Variants in NAA11 observed in about 807,000 individuals in gnomAD.
The protein encoded by NAA11 is N-alpha-acetyltransferase 11, NatA catalytic subunit.
A neutral mutation model predicts 16.1 loss-of-function variants in NAA11; 15 were observed. The observed-to-expected ratio is 0.93, with a 90% CI of 0.62 to 1.44. The LOEUF (loss-of-function observed/expected upper bound fraction) is 1.44. Among genes scored for constraint, NAA11 ranks in the 40% most tolerant of loss-of-function variants. The pLI, the probability that NAA11 is intolerant of heterozygous loss-of-function variation, is 0.00. For missense variants in NAA11, 298 were observed against 291.3 expected, an observed-to-expected ratio of 1.02 and a Z score of -0.17; for synonymous variants, 122 against 112.4, an observed-to-expected ratio of 1.09 and a Z score of -0.54.
chr4:79,212,167 A>T, the NAA11 span, among the ~76,000 whole-genome samples: 3 of 152,180 alleles, frequency 2.0e-5, no homozygotes, highest in Admixed American at 2.0e-4. Flanking sequence ...TTGCCATTTT[A>T]AACAGGTTAT....
At chr4:79,195,103 A>C in the NAA11 span, among the ~76,000 whole-genome samples, 11 of 152,132 alleles carry the variant, frequency 7.2e-5, no homozygotes, top group Admixed American at 5.2e-4. Context: ...AAAATCACAC[A>C]TTCCCATCAT....
chr4:79,261,902 A>G (rs923106475), intron 2 of NAA11, among the ~76,000 whole-genome samples: 1 of 152,238 alleles, frequency 6.6e-6, no homozygotes, highest in Non-Finnish European at 1.5e-5. Flanking sequence ...AAAATAGCTG[A>G]AAAATATTAA....
chr4:79,279,931 T>C (rs565068537), intron 2 of NAA11, among the ~76,000 whole-genome samples: 16 of 152,046 alleles, frequency 1.1e-4, no homozygotes, highest in Admixed American at 5.9e-4. Flanking sequence ...AAATAAAAGA[T>C]CTGTTCAGGG....
chr4:79,194,073 G>A, the NAA11 span, among the ~76,000 whole-genome samples: 1,169 of 152,200 alleles, frequency 7.7e-3, 17 homozygotes, highest in African/African-American at 0.027. Context: ...CATTGATTTT[G>A]TATCCTGAGA....
downstream of NAA11, among the ~76,000 whole-genome samples, chr4:79,223,074 G>A (rs1721228248): frequency 6.7e-6 from 1 of 148,602 alleles, no homozygotes; most frequent in African/African-American, 2.5e-5. Flanking sequence ...AACCATTGTG[G>A]AAGTCAGTGT....
intron 1 of NAA11, 150 bp downstream of exon 1, chr4:79,325,026 C>T: frequency 4.7e-6 from 3 of 639,890 alleles, no homozygotes; most frequent in South Asian, 2.2e-5. Flanking sequence ...TCCCTCAACT[C>T]ACTCTAACTT....
chr4:79,305,254 T>C (rs993647347), intron 1 of NAA11: 2 of 152,218 alleles, frequency 1.3e-5, no homozygotes, highest in African/African-American at 4.8e-5. Flanking sequence ...AAAGTGGTGA[T>C]TAATAACTAA....
the NAA11 span, among the ~76,000 whole-genome samples, chr4:79,219,520 G>A: frequency 2.5e-3 from 377 of 152,026 alleles, no homozygotes; most frequent in Non-Finnish European, 4.2e-3. Context: ...TTCTAGAATC[G>A]AAGGACTAAA....
chr4:79,157,468 T>C, the NAA11 span, among the ~76,000 whole-genome samples: 1 of 151,952 alleles, frequency 6.6e-6, no homozygotes. Flanking sequence ...TTCCATCATA[T>C]ACATATGATG....
chr4:79,172,908 C>T, the NAA11 span, among the ~76,000 whole-genome samples: 1 of 152,092 alleles, frequency 6.6e-6, no homozygotes, highest in African/African-American at 2.4e-5. Context: ...GCTAAGACTG[C>T]AGAGGCACAG....
the NAA11 span, among the ~76,000 whole-genome samples, chr4:79,183,628 G>C: frequency 5.9e-5 from 9 of 151,934 alleles, no homozygotes; most frequent in African/African-American, 2.2e-4. Context: ...ATATCCTGAA[G>C]AAGTGCATAA....
chr4:79,160,443 G>A, the NAA11 span, among the ~76,000 whole-genome samples: 1 of 152,180 alleles, frequency 6.6e-6, no homozygotes, highest in Non-Finnish European at 1.5e-5. Flanking sequence ...CTGTCAGACT[G>A]TTTTCCACAG....
chr4:79,185,762 T>C, the NAA11 span, among the ~76,000 whole-genome samples: 6 of 152,200 alleles, frequency 3.9e-5, no homozygotes, highest in East Asian at 1.2e-3. Flanking sequence ...CTGTGGACTT[T>C]TAATTTTGTC....
In NAA11 at chr4:79,317,463, T is replaced by A. The variant is rs1416028483; in HGVS notation, c.*341A>T. The stretch of plus-strand genomic sequence containing the variant: ...AAGAGTTTGCCCTGCTTCCTGTTCA[T>A]CATTCTAAAAGGAGAAAAACTTGCA... On this transcript the variant is annotated 3_prime_UTR_variant, in exon 2 of 2. Coordinates refer to ENST00000286794, the MANE Select transcript of NAA11 (RefSeq NM_032693.3). The A allele has an allele frequency of 6.6e-6, 1 of 152,228 alleles. No individual in the cohort carries two copies. Among genetic ancestry groups the A allele is most frequent in the Non-Finnish European group, 1.5e-5 (1 of 68,070 alleles). The allele number at this position is 152,228 out of a possible 1,614,324, so 9.4% of individuals were successfully genotyped here.
the NAA11 span, among the ~76,000 whole-genome samples, chr4:79,162,329 A>G: frequency 6.6e-6 from 1 of 152,154 alleles, no homozygotes; most frequent in Non-Finnish European, 1.5e-5. Flanking sequence ...TGAATCCCGG[A>G]GAACTAAATA....
rs1723945985 is a variant in NAA11 at position 79,317,018 on chromosome 4, T to C, written c.*786A>G. The C allele has an allele frequency of 6.6e-6, 1 of 152,140 alleles. No individual in the cohort carries two copies. Among genetic ancestry groups the C allele is most frequent in the Non-Finnish European group, 1.5e-5 (1 of 68,024 alleles). 9.4% of individuals were successfully genotyped at this position (152,140 alleles called of 1,614,324 possible). ...TTACAGGGTTGCTGAGAGGGTTAAATATGTAACTAATGAAGGCTCCAGCAT... is the reference window on the plus strand; with the variant it reads ...TTACAGGGTTGCTGAGAGGGTTAAACATGTAACTAATGAAGGCTCCAGCAT... On this transcript the variant is annotated 3_prime_UTR_variant, in exon 2 of 2. Coordinates refer to ENST00000286794, the MANE Select transcript of NAA11 (RefSeq NM_032693.3).
intron 2 of NAA11, among the ~76,000 whole-genome samples, chr4:79,248,968 A>G (rs1291663316): frequency 3.9e-5 from 6 of 152,028 alleles, no homozygotes; most frequent in Non-Finnish European, 7.4e-5. Context: ...GAATGTTGTG[A>G]TGAGCAGTCT....
downstream of NAA11, among the ~76,000 whole-genome samples, chr4:79,224,668 G>A (rs1049922065): frequency 6.6e-6 from 1 of 152,038 alleles, no homozygotes; most frequent in Non-Finnish European, 1.5e-5. Context: ...CAGAGAGAGG[G>A]AGCAATATGT....
intron 2 of NAA11, among the ~76,000 whole-genome samples, chr4:79,272,906 G>A (rs1722531650): frequency 1.3e-5 from 2 of 151,882 alleles, no homozygotes; most frequent in Admixed American, 1.3e-4. Flanking sequence ...AACAGTTGAT[G>A]GGGGCTGCTA....
Sources: allele counts gnomAD v4.1 joint callset (sites outside exome capture counted in the v4.1 genomes callset), GRCh38; gene constraint gnomAD v4.1.1; transcripts MANE v1.5; gene names NCBI Gene and HGNC (gene_info 2026-07-23, HGNC 2026-07-21).